The following KCNH1 variants were observed in gnomAD, a reference collection of about 807,000 sequenced individuals.
The protein encoded by KCNH1 is voltage-gated delayed rectifier potassium channel KCNH1.
Under a neutral mutation model 69.2 loss-of-function variants are expected in KCNH1, and 27 were observed. That is an observed-to-expected ratio of 0.39 (90% CI 0.29 to 0.54). KCNH1 has a LOEUF of 0.54. KCNH1 is among the 20% of genes least tolerant of loss of function. KCNH1 has a pLI of 0.68. For missense variants in KCNH1, 798 were observed against 1,261.6 expected (o/e 0.63, Z 5.57); for synonymous variants, 456 against 487.7 (o/e 0.93, Z 0.86).
chr1:210,961,932 G>A (rs1001666342), intron 6 of KCNH1, among the ~76,000 whole-genome samples: 3 of 152,062 alleles, frequency 2.0e-5, no homozygotes, highest in Admixed American at 1.3e-4. Context: ...CATGCTAGTT[G>A]ATGGGAACTA....
chr1:211,049,558 A>G (rs910311672), intron 5 of KCNH1, among the ~76,000 whole-genome samples: 3 of 152,136 alleles, frequency 2.0e-5, no homozygotes, highest in Non-Finnish European at 4.4e-5. Flanking sequence ...ATTAAGGGAG[A>G]GCAGGACTTG....
At chr1:210,754,348 G>A (rs1327963368) in intron 10 of KCNH1, among the ~76,000 whole-genome samples, 1 of 151,362 alleles carries the variant, frequency 6.6e-6, no homozygotes, top group African/African-American at 2.4e-5. Context: ...AAATTGTTGT[G>A]TGGATTATCC....
intron 7 of KCNH1, among the ~76,000 whole-genome samples, chr1:210,806,791 G>T: frequency 8.8e-6 from 1 of 113,242 alleles, no homozygotes; most frequent in Non-Finnish European, 1.8e-5. Flanking sequence ...CCAATATGGT[G>T]AAACCCCATC....
chr1:211,016,494 A>G (rs1689493769), intron 6 of KCNH1, among the ~76,000 whole-genome samples: 1 of 152,194 alleles, frequency 6.6e-6, no homozygotes, highest in South Asian at 2.1e-4. Flanking sequence ...TGTGTTTAAG[A>G]AGCTCTTTTA....
intron 10 of KCNH1, among the ~76,000 whole-genome samples, chr1:210,758,915 C>A (rs1440606977): frequency 6.6e-6 from 1 of 152,126 alleles, no homozygotes; most frequent in Non-Finnish European, 1.5e-5. Flanking sequence ...TCTTAAGCCA[C>A]TTACTGGACT....
At chr1:211,026,542 C>T (rs999270196) in intron 5 of KCNH1, among the ~76,000 whole-genome samples, 14 of 152,176 alleles carry the variant, frequency 9.2e-5, no homozygotes, top group African/African-American at 3.4e-4. Context: ...GCCTCAGCTA[C>T]GCCAGCAGGG....
intron 1 of KCNH1, among the ~76,000 whole-genome samples, chr1:211,128,238 G>T (rs140510131): frequency 0.037 from 5,505 of 146,984 alleles, 310 homozygotes; most frequent in African/African-American, 0.13. Flanking sequence ...GCAGTGAGCC[G>T]AGATCGCGCC....
intron 5 of KCNH1, among the ~76,000 whole-genome samples, chr1:211,046,048 G>A (rs1403066390): frequency 6.6e-6 from 1 of 152,098 alleles, no homozygotes; most frequent in East Asian, 1.9e-4. Context: ...ATATTCCATA[G>A]TGTTATACAC....
At chr1:210,972,712 T>C (rs1574370924) in intron 6 of KCNH1, among the ~76,000 whole-genome samples, 1 of 152,240 alleles carries the variant, frequency 6.6e-6, no homozygotes, top group South Asian at 2.1e-4. Context: ...AAAAAGTCTA[T>C]ATCTACTGGT....
At chr1:210,964,336 C>A (rs551297948) in intron 6 of KCNH1, among the ~76,000 whole-genome samples, 36 of 152,142 alleles carry the variant, frequency 2.4e-4, no homozygotes, top group African/African-American at 8.7e-4. Context: ...CAAAATCATG[C>A]CAAATTGTAA....
intron 7 of KCNH1, among the ~76,000 whole-genome samples, chr1:210,912,295 C>T (rs565042721): frequency 1.3e-5 from 2 of 152,162 alleles, no homozygotes; most frequent in South Asian, 4.1e-4. Flanking sequence ...GAAGATCCTG[C>T]CAGTCAAGCC....
intron 3 of KCNH1, among the ~76,000 whole-genome samples, chr1:211,094,642 G>A (rs575756529): frequency 7.9e-5 from 12 of 152,294 alleles, no homozygotes; most frequent in East Asian, 1.9e-4. Flanking sequence ...CCATTGCATC[G>A]CTCCACTCCA....
At chr1:211,092,293 A>C (rs147967690) in intron 3 of KCNH1, among the ~76,000 whole-genome samples, 24 of 152,336 alleles carry the variant, frequency 1.6e-4, no homozygotes, top group African/African-American at 5.8e-4. Flanking sequence ...ACTCTGATTA[A>C]CATTAGGCTT....
intron 10 of KCNH1, among the ~76,000 whole-genome samples, chr1:210,700,957 A>AGAT (rs1328950480): frequency 6.6e-6 from 1 of 150,488 alleles, no homozygotes; most frequent in South Asian, 2.1e-4. Context: ...TTATTTTTTG[A>AGAT]GATGGAGTTT....
At chr1:211,087,775 A>C (rs1316273028) in intron 4 of KCNH1, among the ~76,000 whole-genome samples, 1 of 152,126 alleles carries the variant, frequency 6.6e-6, no homozygotes, top group African/African-American at 2.4e-5. Context: ...AAAGACAGAG[A>C]GCAAAGTGAA....
intron 5 of KCNH1, among the ~76,000 whole-genome samples, chr1:211,067,640 G>C (rs1294325470): frequency 6.6e-6 from 1 of 152,210 alleles, no homozygotes; most frequent in African/African-American, 2.4e-5. Context: ...GTATTTTTAA[G>C]ATCAGAGATT....
At chr1:210,807,552 C>T (rs1574268525) in intron 7 of KCNH1, among the ~76,000 whole-genome samples, 2 of 151,532 alleles carry the variant, frequency 1.3e-5, no homozygotes, top group Middle Eastern at 3.4e-3. Flanking sequence ...GTGCATGTTG[C>T]GTGAGCCAAG....
rs566539113 is a variant in KCNH1, at chr1:210,747,969, G to A, written c.2112+27379C>T. ...ATGAGTAGAGCAGGTTCAGGAATGA[G>A]TGAGAAAAAGACAGTCAGTACATGC... On this transcript the variant is annotated intron_variant, in intron 10 of 10. Coordinates refer to ENST00000271751, the MANE Select transcript of KCNH1 (RefSeq NM_172362.3). Among the ~76,000 whole-genome samples the A allele has an allele frequency of 1.7e-4, 26 of 152,380 alleles. 1 individual carries two copies. The South Asian group carries it at 5.0e-3, about 29-fold the overall frequency.
chr1:210,969,055 G>A (rs1029715092), intron 6 of KCNH1, among the ~76,000 whole-genome samples: 4 of 151,926 alleles, frequency 2.6e-5, no homozygotes, highest in African/African-American at 9.7e-5. Flanking sequence ...ATCTGTTAAT[G>A]TAATAAATCA....
Sources: allele counts gnomAD v4.1 joint callset (sites outside exome capture counted in the v4.1 genomes callset), GRCh38; gene constraint gnomAD v4.1.1; transcripts MANE v1.5; gene names NCBI Gene and HGNC (gene_info 2026-07-23, HGNC 2026-07-21).